The following MPZL3 variants were observed in gnomAD, a reference collection of about 807,000 sequenced individuals.
MPZL3 encodes the protein myelin protein zero like 3, also known as myelin protein zero-like protein 3.
MPZL3 carries 23 observed loss-of-function variants against 24.8 expected under a neutral mutation model. The ratio of observed to expected loss-of-function variants is 0.93; its 90% confidence interval spans 0.67 to 1.31. MPZL3 has a LOEUF of 1.31. Ranked by LOEUF, MPZL3 falls within the 40% of genes most tolerant of loss-of-function variation. The probability of loss-of-function intolerance (pLI) is 0.00; values close to 1 mark genes in which losing one functional copy is unlikely to be tolerated. For synonymous variants in MPZL3, 99 were observed against 106.5 expected, an observed-to-expected ratio of 0.93 and a Z score of 0.44; for missense variants, 277 against 294.9, an observed-to-expected ratio of 0.94 and a Z score of 0.44.
At position 118,228,409 on chromosome 11, in the gene MPZL3, G is replaced by C. The variant is rs1334684935; in HGVS notation, c.*1485C>G. The C allele has an allele frequency of 6.6e-6, 1 of 152,158 alleles. No individual in the cohort carries two copies. Among genetic ancestry groups the C allele is most frequent in the Non-Finnish European group, 1.5e-5 (1 of 68,034 alleles). The allele number at this position is 152,158 out of a possible 1,614,324, so 9.4% of individuals were successfully genotyped here. A position where few individuals can be genotyped will look rare whatever the true frequency, so the allele number is the denominator to read the frequency against. On this transcript the variant is annotated 3_prime_UTR_variant, in exon 6 of 6. Coordinates refer to ENST00000278949, the MANE Select transcript of MPZL3 (RefSeq NM_198275.3). Reference sequence around the variant, plus strand: ...AATTTTTGTCTCTCATAATTGAGAAGTAAATCCAATCACTATTACAGAAGA... The same window carrying C: ...AATTTTTGTCTCTCATAATTGAGAACTAAATCCAATCACTATTACAGAAGA...
At chr11:118,232,871 C>T (rs969030754) in intron 5 of MPZL3, among the ~76,000 whole-genome samples, 13 of 152,150 alleles carry the variant, frequency 8.5e-5, no homozygotes, top group Non-Finnish European at 8.8e-5. Flanking sequence ...AACTGCACCA[C>T]ATCAGAGAGT....
At chr11:118,236,996 G>T in intron 3 of MPZL3, 54 bp downstream of exon 3, 1 of 1,495,358 alleles carries the variant, frequency 6.7e-7, no homozygotes, top group South Asian at 1.1e-5. Context: ...TCTCCAGAAA[G>T]CACCACAGCA....
chr11:118,244,870 A>C (rs895654138), intron 1 of MPZL3, among the ~76,000 whole-genome samples: 7 of 152,094 alleles, frequency 4.6e-5, no homozygotes, highest in Admixed American at 3.3e-4. Context: ...AGTTCAGGAG[A>C]TCGAGACCAT....
intron 5 of MPZL3, among the ~76,000 whole-genome samples, chr11:118,232,419 A>AC (rs1427481806): frequency 1.3e-5 from 2 of 151,656 alleles, no homozygotes; most frequent in African/African-American, 4.8e-5. Flanking sequence ...GAGTATTTGT[A>AC]CCCCAATTCA....
At chr11:118,251,658 A>C (rs1018825965) in intron 1 of MPZL3, among the ~76,000 whole-genome samples, 1 of 152,218 alleles carries the variant, frequency 6.6e-6, no homozygotes, top group Non-Finnish European at 1.5e-5. Context: ...TGTATTAAAA[A>C]AAGTTATGAA....
chr11:118,241,779 A>T (rs961619613), intron 1 of MPZL3, among the ~76,000 whole-genome samples: 2 of 152,188 alleles, frequency 1.3e-5, no homozygotes, highest in Non-Finnish European at 2.9e-5. Flanking sequence ...GTCTGTTGAC[A>T]TTCCTTTTAA....
At chr11:118,240,416 G>A in intron 1 of MPZL3, 39 bp from the exon 2 acceptor site, 2 of 1,572,574 alleles carry the variant, frequency 1.3e-6, no homozygotes, top group Non-Finnish European at 1.7e-6. Context: ...ATGCATTCAT[G>A]TGGGTGGAAT....
intron 5 of MPZL3, among the ~76,000 whole-genome samples, chr11:118,230,738 C>G (rs1331566125): frequency 6.6e-6 from 1 of 152,124 alleles, no homozygotes; most frequent in Non-Finnish European, 1.5e-5. Flanking sequence ...TAGGGAATTT[C>G]CACAAGCTCC....
intron 1 of MPZL3, 111 bp from the exon 2 acceptor site, chr11:118,240,488 T>C: frequency 9.2e-7 from 1 of 1,081,560 alleles, no homozygotes; most frequent in Non-Finnish European, 1.3e-6. Flanking sequence ...GCAATAAATA[T>C]TAACAACTAT....
In MPZL3 at chr11:118,240,193, G is replaced by A. The variant is rs17121973; in HGVS notation, c.240+18C>T. On this transcript the variant is annotated intron_variant, in intron 2 of 5. Coordinates refer to ENST00000278949, the MANE Select transcript of MPZL3 (RefSeq NM_198275.3). ...AAACTGTTGACCAAAGGAACATTCCGAAAAAGTACACACTTACTGATACTG... is the reference window on the plus strand; with the variant it reads ...AAACTGTTGACCAAAGGAACATTCCAAAAAAGTACACACTTACTGATACTG... 8.3e-3 allele frequency: 12,598 copies of A among 1,511,602 alleles called. 898 individuals are homozygous for A. The African/African-American group carries it at 0.16, about 19-fold the overall frequency. The allele number at this position is 1,511,602 out of a possible 1,614,324, so 93.6% of individuals were successfully genotyped here. A position where few individuals can be genotyped will look rare whatever the true frequency, so the allele number is the denominator to read the frequency against.
At chr11:118,232,530 C>T (rs1024596649) in intron 5 of MPZL3, among the ~76,000 whole-genome samples, 4 of 152,032 alleles carry the variant, frequency 2.6e-5, no homozygotes, top group Admixed American at 6.6e-5. Context: ...TTCCTAAGCA[C>T]CTAGAACAGT....
chr11:118,237,617 C>T (rs754893937), intron 2 of MPZL3, among the ~76,000 whole-genome samples: 17 of 152,118 alleles, frequency 1.1e-4, no homozygotes, highest in Admixed American at 2.0e-4. Flanking sequence ...GGGTAGGGGC[C>T]GGGAATGCTA....
intron 1 of MPZL3, among the ~76,000 whole-genome samples, chr11:118,245,075 C>CA (rs1209767740): frequency 6.6e-6 from 1 of 151,264 alleles, no homozygotes; most frequent in African/African-American, 2.4e-5. Flanking sequence ...GACTCCATCT[C>CA]AAAAAAAGAA....
chr11:118,238,318 T>TTGTCTAATACCTGTCTAATA (rs1215134925), intron 2 of MPZL3, among the ~76,000 whole-genome samples: 1 of 152,118 alleles, frequency 6.6e-6, no homozygotes, highest in Non-Finnish European at 1.5e-5. Flanking sequence ...ATTAATATAA[T>TTGTCTAATACCTGTCTAATA]CCCTAAGTCT....
chr11:118,247,354 C>G (rs1230934197), intron 1 of MPZL3, among the ~76,000 whole-genome samples: 2 of 152,128 alleles, frequency 1.3e-5, no homozygotes, highest in South Asian at 2.1e-4. Flanking sequence ...TCCTGGTAAA[C>G]AGCAGAACAT....
intron 4 of MPZL3, 26 bp from the exon 5 acceptor site, chr11:118,233,549 T>C (rs371528847): frequency 5.0e-6 from 8 of 1,611,048 alleles, no homozygotes; most frequent in African/African-American, 1.3e-5. Flanking sequence ...AAACCAAATC[T>C]GAATCACCAC....
rs572685053 is a variant in MPZL3, at chr11:118,227,366, C to T, written c.*2528G>A. On this transcript the variant is annotated 3_prime_UTR_variant, in exon 6 of 6. Coordinates refer to ENST00000278949, the MANE Select transcript of MPZL3 (RefSeq NM_198275.3). ...AGAGAGAATAGCACCTTAGAAGTTA[C>T]TCAAACAAGAGGTGAAACAAATAAG... 7.2e-5 allele frequency: 11 copies of T among 152,266 alleles called. No individual in the cohort carries two copies. In the South Asian group the frequency reaches 1.7e-3, roughly 23 times the overall value. The allele number at this position is 152,266 out of a possible 1,614,324, so 9.4% of individuals were successfully genotyped here. A position where few individuals can be genotyped will look rare whatever the true frequency, so the allele number is the denominator to read the frequency against.
At chr11:118,245,362 G>C (rs758197964) in intron 1 of MPZL3, among the ~76,000 whole-genome samples, 3 of 151,954 alleles carry the variant, frequency 2.0e-5, no homozygotes, top group Non-Finnish European at 4.4e-5. Context: ...AAAAGAAAAA[G>C]TGAATGAGTG....
At chr11:118,231,559 C>T (rs1949351952) in intron 5 of MPZL3, among the ~76,000 whole-genome samples, 1 of 152,196 alleles carries the variant, frequency 6.6e-6, no homozygotes. Context: ...GCCTACTCCA[C>T]ATCTCCACTT....
Sources: gnomAD v4.1 joint callset for allele counts (sites outside exome capture counted in the v4.1 genomes callset) on GRCh38, gnomAD v4.1.1 for gene constraint, MANE v1.5 for transcripts, NCBI Gene and HGNC (gene_info 2026-07-23, HGNC 2026-07-21) for gene names.